GALNS: variants seen among roughly 807,000 people sequenced by gnomAD.
GALNS encodes the protein galactosamine (N-acetyl)-6-sulfatase, also known as N-acetylgalactosamine-6-sulfatase.
Under a neutral mutation model 65.9 loss-of-function variants are expected in GALNS, and 65 were observed. That is an observed-to-expected ratio of 0.99 (90% CI 0.81 to 1.21). The LOEUF is 1.21. GALNS is among the 50% of genes most tolerant of loss of function. The pLI, the probability that GALNS is intolerant of heterozygous loss-of-function variation, is 0.00. For synonymous variants in GALNS, 346 were observed against 288.9 expected (o/e 1.20, Z -2.00); for missense variants, 776 against 700.7 (o/e 1.11, Z -1.21).
intron 1 of GALNS, chr16:88,855,236 C>T (rs1282906142): frequency 4.3e-6 from 3 of 698,772 alleles, no homozygotes; most frequent in Admixed American, 2.0e-5. Context: ...CCCCTCTGTC[C>T]TCTGAGAAAG....
chr16:88,839,754 T>TG (rs1779633531), intron 4 of GALNS, among the ~76,000 whole-genome samples: 1 of 152,164 alleles, frequency 6.6e-6, no homozygotes, highest in African/African-American at 2.4e-5. Context: ...TCCCACTCCT[T>TG]GGGGTCCCCT....
rs201585557 is a variant in GALNS at position 88,835,763 on chromosome 16, A to G, written c.720T>C (p.Tyr240=). 6 of 1,614,158 alleles carry G rather than the reference A, an allele frequency of 3.7e-6. No individual in the cohort carries two copies. In the East Asian group the frequency reaches 8.9e-5, roughly 24 times the overall value. Residue 240 remains tyrosine (Y), a synonymous_variant, in exon 7 of 14, where the codon TAT becomes TAC. Transcript: ENST00000268695. Reference sequence around the variant, plus strand: ...TGGTGCCCAAGAAGGGTTTGGAGGCATAGACGGGTGCGTGCGTGGCGTCGA... The same window carrying G: ...TGGTGCCCAAGAAGGGTTTGGAGGCGTAGACGGGTGCGTGCGTGGCGTCGA... The part of the protein sequence containing the change: ...WAVDATHAPV[Y]ASKPFLGTSQ...
In GALNS at chr16:88,826,849, T is replaced by C. The variant is rs1247546674; in HGVS notation, c.1003-11A>G. ...CAGCTGGTGGCTCACCTGAAACACATGGCAGCAACACGGTCAGGGCACTCT... is the reference window on the plus strand; with the variant it reads ...CAGCTGGTGGCTCACCTGAAACACACGGCAGCAACACGGTCAGGGCACTCT... On this transcript the variant is annotated splice_polypyrimidine_tract_variant and intron_variant, in intron 9 of 13. Coordinates refer to ENST00000268695, the MANE Select transcript of GALNS (RefSeq NM_000512.5). The C allele has an allele frequency of 6.4e-7, 1 of 1,568,826 alleles. No individual in the cohort carries two copies. The highest frequency in any genetic ancestry group is 8.6e-7 in the Non-Finnish European group (1 of 1,157,636).
intron 8 of GALNS, among the ~76,000 whole-genome samples, chr16:88,833,334 G>A (rs1036726281): frequency 4.0e-5 from 6 of 150,646 alleles, no homozygotes; most frequent in African/African-American, 1.5e-4. Context: ...CCTGTGAAGG[G>A]ACAATGGACA....
chr16:88,842,544 TG>T, intron 2 of GALNS, 161 bp downstream of exon 2: 1 of 848,904 alleles, frequency 1.2e-6, no homozygotes, highest in Non-Finnish European at 1.8e-6. Context: ...GGAGCCGGGC[TG>T]GGATTTGATG....
intron 12 of GALNS, among the ~76,000 whole-genome samples, chr16:88,818,724 T>C (rs3826066): frequency 0.42 from 63,463 of 152,126 alleles, 13,644 homozygotes; most frequent in East Asian, 0.63. Flanking sequence ...GCCGTCATGC[T>C]GTGCTCTGAG....
chr16:88,834,521 C>G (rs1228490244), intron 8 of GALNS, among the ~76,000 whole-genome samples: 1 of 135,924 alleles, frequency 7.4e-6, no homozygotes, highest in African/African-American at 2.8e-5. Flanking sequence ...TGGGAAGAGG[C>G]TGTAGGGCTC....
chr16:88,840,980 C>T lies in GALNS; in HGVS notation c.422+12G>A. The T allele has an allele frequency of 1.2e-6, 2 of 1,607,730 alleles. No individual in the cohort carries two copies. Among genetic ancestry groups the T allele is most frequent in the Non-Finnish European group, 1.7e-6 (2 of 1,174,930 alleles). On this transcript the variant is annotated intron_variant, in intron 4 of 13. Coordinates refer to ENST00000268695, the MANE Select transcript of GALNS (RefSeq NM_000512.5). The stretch of plus-strand genomic sequence containing the variant: ...AGCAGGACGCCTGGGCAGGCGTGGC[C>T]AGGAGACTTACCACTTGCCGACAAT...
intron 1 of GALNS, among the ~76,000 whole-genome samples, chr16:88,854,029 T>C (rs1967637050): frequency 6.6e-6 from 1 of 152,200 alleles, no homozygotes; most frequent in Non-Finnish European, 1.5e-5. Context: ...TGCACTTGCT[T>C]AGACGAAAGG....
In GALNS at chr16:88,842,840, G is replaced by C. The variant is rs1967042444; in HGVS notation, c.121-11C>G. The C allele has an allele frequency of 2.5e-6, 4 of 1,612,654 alleles. No individual in the cohort carries two copies. Among genetic ancestry groups the C allele is most frequent in the South Asian group, 1.1e-5 (1 of 90,984 alleles). On this transcript the variant is annotated splice_polypyrimidine_tract_variant and intron_variant, in intron 1 of 13. Transcript: ENST00000268695. ...GTCACCCCATCCCATCTGCAGGGAA[G>C]AGCACGGGGAGGAGGAATGAGCGCC...
intron 1 of GALNS, among the ~76,000 whole-genome samples, chr16:88,851,750 C>T (rs1325444890): frequency 1.3e-5 from 2 of 152,174 alleles, no homozygotes; most frequent in African/African-American, 4.8e-5. Flanking sequence ...CGGAGCCTTG[C>T]TCACTGCTAG....
intron 8 of GALNS, among the ~76,000 whole-genome samples, chr16:88,834,141 A>G (rs936824117): frequency 6.6e-5 from 10 of 152,328 alleles, no homozygotes; most frequent in African/African-American, 2.4e-4. Flanking sequence ...GAGGGCCTGC[A>G]CGAGAGCCAG....
intron 4 of GALNS, 107 bp from the exon 5 acceptor site, chr16:88,837,872 C>T (rs1462446587): frequency 1.2e-5 from 14 of 1,175,006 alleles, no homozygotes; most frequent in South Asian, 2.5e-5. Flanking sequence ...AGACGAGCAC[C>T]CTCCAGCACT....
intron 1 of GALNS, among the ~76,000 whole-genome samples, chr16:88,854,201 T>C (rs1484601986): frequency 6.6e-6 from 1 of 152,122 alleles, no homozygotes; most frequent in African/African-American, 2.4e-5. Context: ...CATCAAGCCA[T>C]CCCATGTCAT....
chr16:88,823,472 C>T (rs944006685), intron 11 of GALNS, among the ~76,000 whole-genome samples: 2 of 152,310 alleles, frequency 1.3e-5, no homozygotes, highest in African/African-American at 4.8e-5. Context: ...GTGCCCAGGA[C>T]GGCCCTCGCA....
At chr16:88,856,330 G>A (rs1218396824) in intron 1 of GALNS, 1 of 702,628 alleles carries the variant, frequency 1.4e-6, no homozygotes, top group African/African-American at 1.7e-5. Flanking sequence ...CAGGCAGGGC[G>A]GCAGGAGCAG....
intron 5 of GALNS, 31 bp from the exon 6 acceptor site, chr16:88,836,298 A>G: frequency 6.4e-7 from 1 of 1,572,730 alleles, no homozygotes; most frequent in Non-Finnish European, 8.7e-7. Flanking sequence ...GACAGACTTC[A>G]GAATTTAGGC....
At chr16:88,838,440 G>T in intron 4 of GALNS, 1 of 153,050 alleles carries the variant, frequency 6.5e-6, no homozygotes, top group South Asian at 2.0e-4. Flanking sequence ...CCTGGGACCG[G>T]GGTTCACCTG....
At chr16:88,833,454 C>CCTTTTTTTTTTTTTT in intron 8 of GALNS, among the ~76,000 whole-genome samples, 1 of 141,170 alleles carries the variant, frequency 7.1e-6, no homozygotes. Context: ...CTCCCATCCC[C>CCTTTTTTTTTTTTTT]TTTTTTTTTT....
Sources: gnomAD v4.1 joint callset for allele counts (sites outside exome capture counted in the v4.1 genomes callset) on GRCh38, gnomAD v4.1.1 for gene constraint, MANE v1.5 for transcripts, NCBI Gene and HGNC (gene_info 2026-07-23, HGNC 2026-07-21) for gene names.